LCP2: variants seen among roughly 807,000 people sequenced by gnomAD.
LCP2 encodes the protein lymphocyte cytosolic protein 2, also known as 76 kDa tyrosine phosphoprotein.
In LCP2, 29 loss-of-function variants were observed where a neutral mutation model predicts 74.5. That is an observed-to-expected ratio of 0.39 (90% CI 0.29 to 0.53). The LOEUF is 0.53. Among genes scored for constraint, LCP2 ranks in the 20% least tolerant of loss-of-function variants. The pLI is 0.72. For synonymous variants in LCP2, 228 were observed against 229.5 expected, an observed-to-expected ratio of 0.99 and a Z score of 0.06; for missense variants, 604 against 634.6, an observed-to-expected ratio of 0.95 and a Z score of 0.52.
chr5:170,290,952 AAAAGAAAGAAAGAAAGAAAG>A (rs201112309), intron 2 of LCP2, among the ~76,000 whole-genome samples: 32,933 of 116,462 alleles, frequency 0.28, 4,182 homozygotes, highest in Middle Eastern at 0.37. Flanking sequence ...AGAAAGAAAG[AAAAGAAAGAAAGAAAGAAAG>A]AAAGAAAGAA....
chr5:170,255,341 A>G (rs892170443), intron 17 of LCP2, among the ~76,000 whole-genome samples: 1 of 152,204 alleles, frequency 6.6e-6, no homozygotes, highest in East Asian at 1.9e-4. Context: ...CTTGGAAAAA[A>G]TGTTGATTCT....
At chr5:170,271,639 T>A (rs1392984259) in intron 6 of LCP2, among the ~76,000 whole-genome samples, 1 of 152,082 alleles carries the variant, frequency 6.6e-6, no homozygotes, top group East Asian at 1.9e-4. Context: ...AGGTGCTGGA[T>A]GCTTGCCTTT....
intron 2 of LCP2, 139 bp from the exon 3 acceptor site, chr5:170,288,155 A>G (rs964637033): frequency 1.6e-6 from 1 of 632,938 alleles, no homozygotes; most frequent in Non-Finnish European, 2.5e-6. Flanking sequence ...CTGCCCACCC[A>G]CCCTCCCCAA....
At chr5:170,276,470 A>AG (rs1762009370) in intron 3 of LCP2, among the ~76,000 whole-genome samples, 1 of 152,166 alleles carries the variant, frequency 6.6e-6, no homozygotes, top group African/African-American at 2.4e-5. Context: ...CTATAAAGGC[A>AG]GGGGTTGCAG....
chr5:170,253,622 G>T (rs1410423754), intron 17 of LCP2, among the ~76,000 whole-genome samples: 2 of 152,168 alleles, frequency 1.3e-5, no homozygotes, highest in African/African-American at 4.8e-5. Context: ...CCCAACAGCT[G>T]ATGTAGGGAC....
rs1761300961 is a variant in LCP2 at position 170,246,563 on chromosome 5, CGTT to C, written c.*2131_*2133del. 6.4e-6 allele frequency: 1 copy of C among 155,826 alleles called. No homozygotes were observed. Among genetic ancestry groups the C allele is most frequent in the East Asian group, 1.9e-4 (1 of 5,362 alleles). The allele number at this position is 155,826 out of a possible 1,614,324, so 9.7% of individuals were successfully genotyped here. ...TTACTGTGTTTTTGTGTGTTGGCCT[CGTT>C]GTCTTCTATTGTAGACTGGTTCTTC... On this transcript the variant is annotated 3_prime_UTR_variant, in exon 21 of 21. Coordinates refer to ENST00000046794, the MANE Select transcript of LCP2 (RefSeq NM_005565.5).
intron 3 of LCP2, 185 bp downstream of exon 3, chr5:170,287,785 T>C: frequency 1.6e-6 from 1 of 631,946 alleles, no homozygotes; most frequent in South Asian, 1.9e-5. Flanking sequence ...GCTGGATCTG[T>C]GACTTCTGTT....
At position 170,253,199 on chromosome 5, in the gene LCP2, G is replaced by A. The variant is rs1428192158; in HGVS notation, c.1165C>T (p.Pro389Ser). Reference sequence around the variant, plus strand: ...TTTCTGCCTTCGGCTCTGATAGGTGGTCTGTTGCTAGGGCCTTCAAAAGTA... The same window carrying A: ...TTTCTGCCTTCGGCTCTGATAGGTGATCTGTTGCTAGGGCCTTCAAAAGTA... ...PYFSQGPSNR[P>S]PIRAEGRNFP... Residue 389 changes from proline (P) to serine (S), a missense_variant, in exon 18 of 21, where the codon CCA becomes TCA. By Grantham distance (74) the Pro-to-Ser change is moderately conservative (BLOSUM62 -1). Coordinates refer to ENST00000046794, the MANE Select transcript of LCP2 (RefSeq NM_005565.5). 1 of 1,606,828 alleles carries A rather than the reference G, an allele frequency of 6.2e-7. No individual in the cohort carries two copies. Among genetic ancestry groups the A allele is most frequent in the African/African-American group, 1.3e-5 (1 of 74,968 alleles).
chr5:170,275,722 G>A (rs2113189638), intron 4 of LCP2, 73 bp downstream of exon 4: 1 of 1,284,780 alleles, frequency 7.8e-7, no homozygotes, highest in Admixed American at 2.0e-5. Context: ...GGCAAAAACA[G>A]TTCTGTGCCT....
chr5:170,296,023 G>A (rs546737815), intron 1 of LCP2, among the ~76,000 whole-genome samples: 1 of 152,128 alleles, frequency 6.6e-6, no homozygotes, highest in Admixed American at 6.5e-5. Flanking sequence ...TAATTCTCCT[G>A]GTCACACCTG....
rs1762211443 is a variant in LCP2 at position 170,287,912 on chromosome 5, C to A, written c.188+58G>T. The A allele has an allele frequency of 3.3e-6, 5 of 1,517,936 alleles. No individual in the cohort carries two copies. The Admixed American group carries it at 8.4e-5, about 25-fold the overall frequency. The allele number at this position is 1,517,936 out of a possible 1,614,324, so 94.0% of individuals were successfully genotyped here. A position where few individuals can be genotyped will look rare whatever the true frequency, so the allele number is the denominator to read the frequency against. ...AGAACTGACCCAGCCCCCACTCACACTACTCCCCATTCCCACCTCTGCTCC... is the reference window on the plus strand; with the variant it reads ...AGAACTGACCCAGCCCCCACTCACAATACTCCCCATTCCCACCTCTGCTCC... On this transcript the variant is annotated intron_variant, in intron 3 of 20. Coordinates refer to ENST00000046794, the MANE Select transcript of LCP2 (RefSeq NM_005565.5).
intron 6 of LCP2, 152 bp downstream of exon 6, chr5:170,274,149 T>C: frequency 1.4e-6 from 1 of 735,202 alleles, no homozygotes. Flanking sequence ...ATTTCCTGTC[T>C]GGCCCTGTGC....
chr5:170,272,597 C>CTTTTCTTT (rs1761914012), intron 6 of LCP2, among the ~76,000 whole-genome samples: 1 of 40,342 alleles, frequency 2.5e-5, no homozygotes, highest in African/African-American at 8.3e-5. Flanking sequence ...CAAATATTTT[C>CTTTTCTTT]TTTTTTTTTT....
chr5:170,246,664 C>A lies in LCP2; in HGVS notation c.*2033G>T, dbSNP rs1761305065. ...AGTGTACAGCATTGCCTTTGGGGAC[C>A]CCAGATAAAAGAGAGATCTTGTCTC... On this transcript the variant is annotated 3_prime_UTR_variant, in exon 21 of 21. Coordinates refer to ENST00000046794, the MANE Select transcript of LCP2 (RefSeq NM_005565.5). 2 of 152,504 alleles carry A rather than the reference C, an allele frequency of 1.3e-5. No homozygotes were observed. The highest frequency in any genetic ancestry group is 2.4e-5 in the African/African-American group (1 of 41,374). 9.4% of individuals were successfully genotyped at this position (152,504 alleles called of 1,614,324 possible). A position where few individuals can be genotyped will look rare whatever the true frequency, so the allele number is the denominator to read the frequency against.
intron 18 of LCP2, 57 bp downstream of exon 18, chr5:170,253,062 G>T: frequency 9.3e-7 from 1 of 1,075,890 alleles, no homozygotes. Context: ...GGAGTTTCTG[G>T]TGATTCTTTT....
In LCP2 at chr5:170,256,114, T is replaced by C. The variant is rs913836976; in HGVS notation, c.1150+412A>G. Among the ~76,000 whole-genome samples, 7 of 152,076 alleles carry C rather than the reference T, an allele frequency of 4.6e-5. No homozygotes were observed. The highest frequency in any genetic ancestry group is 9.7e-5 in the African/African-American group (4 of 41,406). ...GGAGGAATAGTTCTGCACAGGAAGA[T>C]TGGGGATGAGGGCTGGCTTCCTGGT... is the stretch of plus-strand genomic sequence containing the variant. On this transcript the variant is annotated intron_variant, in intron 17 of 20. Coordinates refer to ENST00000046794, the MANE Select transcript of LCP2 (RefSeq NM_005565.5). The surrounding 1 kb of genome is among the most constrained non-coding windows in gnomAD (Gnocchi z 4.5).
intron 10 of LCP2, among the ~76,000 whole-genome samples, chr5:170,265,938 C>A (rs560047739): frequency 2.0e-5 from 3 of 152,196 alleles, no homozygotes; most frequent in Non-Finnish European, 2.9e-5. Flanking sequence ...GAAAAGAGCC[C>A]CCACTTAGAA....
At chr5:170,251,733 C>G (rs1457824574) in intron 19 of LCP2, 1 of 450,008 alleles carries the variant, frequency 2.2e-6, no homozygotes, top group African/African-American at 2.0e-5. Flanking sequence ...TTAGAATTAC[C>G]TGGGAAGTTT....
chr5:170,282,653 C>T (rs1762124008), intron 3 of LCP2, among the ~76,000 whole-genome samples: 1 of 152,168 alleles, frequency 6.6e-6, no homozygotes, highest in African/African-American at 2.4e-5. Context: ...CAAGAATAGC[C>T]AACACTTATT....
Sources: gnomAD v4.1 joint callset for allele counts (sites outside exome capture counted in the v4.1 genomes callset) on GRCh38, gnomAD v4.1.1 for gene constraint, Gnocchi (gnomAD v3.1) non-coding constraint, MANE v1.5 for transcripts, NCBI Gene and HGNC (gene_info 2026-07-23, HGNC 2026-07-21) for gene names.